Variants in LINGO2 observed in about 807,000 individuals in gnomAD.
LINGO2 encodes the protein leucine-rich repeat and immunoglobulin-like domain-containing nogo receptor-interacting protein 2.
Under a neutral mutation model 30.6 loss-of-function variants are expected in LINGO2, and 14 were observed. The observed-to-expected ratio is 0.46, with a 90% confidence interval of 0.30 to 0.72. The LOEUF is 0.72. Ranked by LOEUF, LINGO2 falls within the 30% of genes least tolerant of loss-of-function variation. The pLI, the probability that LINGO2 is intolerant of heterozygous loss-of-function variation, is 0.07. For synonymous variants in LINGO2, 317 were observed against 288.5 expected (o/e 1.10, Z -1.00); for missense variants, 729 against 751.7 (o/e 0.97, Z 0.35).
the LINGO2 span, among the ~76,000 whole-genome samples, chr9:28,803,374 T>C: frequency 6.6e-6 from 1 of 152,000 alleles, no homozygotes; most frequent in Non-Finnish European, 1.5e-5. Flanking sequence ...ATGTGAAATA[T>C]ATTGTTATTT....
chr9:28,231,143 C>A (rs1263098494), intron 4 of LINGO2, among the ~76,000 whole-genome samples: 2 of 148,758 alleles, frequency 1.3e-5, no homozygotes, highest in African/African-American at 5.0e-5. Flanking sequence ...TCAATGAGAT[C>A]AAGGGTTAGC....
At chr9:28,442,773 T>C (rs1824250528) in intron 2 of LINGO2, among the ~76,000 whole-genome samples, 2 of 151,876 alleles carry the variant, frequency 1.3e-5, no homozygotes, top group South Asian at 4.1e-4. Context: ...AGCATTCCTG[T>C]GACAGTTATA....
the LINGO2 span, among the ~76,000 whole-genome samples, chr9:29,026,123 C>T: frequency 6.6e-6 from 1 of 152,002 alleles, no homozygotes; most frequent in African/African-American, 2.4e-5. Flanking sequence ...GTCTCAATCT[C>T]CTGCACTCAA....
At position 28,167,147 on chromosome 9, in the gene LINGO2, C is replaced by A. The variant is rs796785100; in HGVS notation, c.-87+128061G>T. Among the ~76,000 whole-genome samples, 11 of 141,938 alleles carry A rather than the reference C, an allele frequency of 7.7e-5. 1 individual carries two copies. Among genetic ancestry groups the A allele is most frequent in the Admixed American group, 5.6e-4 (8 of 14,338 alleles). 93.1% of individuals were successfully genotyped at this position (141,938 alleles called of 152,430 possible). On this transcript the variant is annotated intron_variant, in intron 4 of 5. Coordinates refer to ENST00000379992, the Ensembl canonical transcript of LINGO2. ...CTTTTACTTAATATAGCACCCCCCC[C>A]CCCCACTTTTCTTTTCTCCAGCTTT...
At chr9:28,758,145 T>C in the LINGO2 span, among the ~76,000 whole-genome samples, 1 of 151,996 alleles carries the variant, frequency 6.6e-6, no homozygotes, top group African/African-American at 2.4e-5. Flanking sequence ...GTATACTGAT[T>C]CCCTTTATTA....
the LINGO2 span, among the ~76,000 whole-genome samples, chr9:28,813,084 A>C: frequency 6.6e-6 from 1 of 152,024 alleles, no homozygotes; most frequent in African/African-American, 2.4e-5. Context: ...AAAAAAAAAA[A>C]AATCTAGAGT....
chr9:28,720,419 T>C, the LINGO2 span, among the ~76,000 whole-genome samples: 1 of 152,084 alleles, frequency 6.6e-6, no homozygotes, highest in Non-Finnish European at 1.5e-5. Context: ...CACAACACTG[T>C]ATTACAATCA....
chr9:28,170,101 C>T (rs1386567772), intron 4 of LINGO2, among the ~76,000 whole-genome samples: 1 of 152,172 alleles, frequency 6.6e-6, no homozygotes, highest in Non-Finnish European at 1.5e-5. Context: ...AAGTTTCTAT[C>T]ACTTGGAACA....
chr9:28,885,833 G>T, the LINGO2 span, among the ~76,000 whole-genome samples: 1 of 152,050 alleles, frequency 6.6e-6, no homozygotes, highest in Non-Finnish European at 1.5e-5. Context: ...CAGAAACTAG[G>T]ATCACTATTT....
At chr9:28,707,159 G>C in the LINGO2 span, among the ~76,000 whole-genome samples, 3 of 152,066 alleles carry the variant, frequency 2.0e-5, no homozygotes, top group Non-Finnish European at 2.9e-5. Flanking sequence ...AGATGGCAAA[G>C]AAAGAGTGAT....
intron 3 of LINGO2, among the ~76,000 whole-genome samples, chr9:28,300,126 G>GAAAA (rs11306826): frequency 2.3e-5 from 3 of 132,008 alleles, no homozygotes; most frequent in Non-Finnish European, 3.3e-5. Context: ...TTTTCTAATG[G>GAAAA]AAAAAAAAAA....
chr9:28,310,231 T>C (rs1330584256), intron 3 of LINGO2, among the ~76,000 whole-genome samples: 1 of 152,190 alleles, frequency 6.6e-6, no homozygotes, highest in Non-Finnish European at 1.5e-5. Context: ...CAAACACTTG[T>C]CCACAGTCGT....
intron 1 of LINGO2, among the ~76,000 whole-genome samples, chr9:28,577,400 A>C (rs1824042438): frequency 6.6e-6 from 1 of 152,070 alleles, no homozygotes; most frequent in South Asian, 2.1e-4. Context: ...CTCACGTGTA[A>C]GTGGATTCAG....
At chr9:28,525,870 G>A (rs10968642) in intron 1 of LINGO2, among the ~76,000 whole-genome samples, 3,680 of 151,814 alleles carry the variant, frequency 0.024, 71 homozygotes, top group Middle Eastern at 0.041. Context: ...CCTGGCTAAC[G>A]CGGTGAAACC....
At chr9:28,750,853 G>A in the LINGO2 span, among the ~76,000 whole-genome samples, 2 of 152,034 alleles carry the variant, frequency 1.3e-5, no homozygotes, top group Admixed American at 6.6e-5. Context: ...GCTCCTAGAT[G>A]TCTTGCTGAG....
the LINGO2 span, among the ~76,000 whole-genome samples, chr9:29,069,893 T>A: frequency 6.6e-6 from 1 of 152,026 alleles, no homozygotes; most frequent in Non-Finnish European, 1.5e-5. Flanking sequence ...CAAACTGGCA[T>A]AACAGGATAT....
chr9:29,113,888 C>G, the LINGO2 span, among the ~76,000 whole-genome samples: 3 of 151,984 alleles, frequency 2.0e-5, no homozygotes, highest in African/African-American at 7.2e-5. Flanking sequence ...TACTTGTTGA[C>G]TTTCTACATG....
chr9:29,009,010 A>T, the LINGO2 span, among the ~76,000 whole-genome samples: 1 of 152,180 alleles, frequency 6.6e-6, no homozygotes, highest in African/African-American at 2.4e-5. Flanking sequence ...CTCTCAATAA[A>T]TTAGGTATTG....
chr9:29,165,988 G>C, the LINGO2 span, among the ~76,000 whole-genome samples: 1 of 152,068 alleles, frequency 6.6e-6, no homozygotes, highest in South Asian at 2.1e-4. Flanking sequence ...CTTAGTGTAT[G>C]TGTCTGTGTG....
Sources: allele counts gnomAD v4.1 joint callset (sites outside exome capture counted in the v4.1 genomes callset), GRCh38; gene constraint gnomAD v4.1.1; transcripts MANE v1.5; gene names NCBI Gene and HGNC (gene_info 2026-07-23, HGNC 2026-07-21).